Variants in PDE12 observed in about 807,000 individuals in gnomAD.
PDE12 encodes the protein 2',5'-phosphodiesterase 12.
A neutral mutation model predicts 45.4 loss-of-function variants in PDE12; 26 were observed. The observed-to-expected ratio is 0.57, with a 90% confidence interval of 0.42 to 0.79. The LOEUF (loss-of-function observed/expected upper bound fraction) is 0.79, where lower values mean the gene tolerates loss of function less well. Ranked by LOEUF, PDE12 falls within the 30% of genes least tolerant of loss-of-function variation. PDE12 has a pLI of 0.00. For missense variants in PDE12, 668 were observed against 790.0 expected, an observed-to-expected ratio of 0.85 and a Z score of 1.85; for synonymous variants, 283 against 323.9, an observed-to-expected ratio of 0.87 and a Z score of 1.36.
At chr3:57,621,307 T>A in the PDE12 span, among the ~76,000 whole-genome samples, 16 of 152,212 alleles carry the variant, frequency 1.1e-4, no homozygotes, top group African/African-American at 3.9e-4. Flanking sequence ...CTTAAATCCA[T>A]ACTTCACATA....
the PDE12 span, among the ~76,000 whole-genome samples, chr3:57,590,350 G>A: frequency 6.6e-6 from 1 of 151,040 alleles, no homozygotes; most frequent in Non-Finnish European, 1.5e-5. Context: ...GCCGGGCGCA[G>A]TGGCGGGTGC....
the PDE12 span, among the ~76,000 whole-genome samples, chr3:57,641,243 ATAT>A: frequency 7.5e-3 from 1,076 of 144,028 alleles, 6 homozygotes; most frequent in Non-Finnish European, 0.012. Flanking sequence ...ATTTAAATAT[ATAT>A]TATATATTTA....
chr3:57,578,978 C>T, the PDE12 span, among the ~76,000 whole-genome samples: 2 of 152,042 alleles, frequency 1.3e-5, no homozygotes, highest in Non-Finnish European at 2.9e-5. Context: ...TCACTTATAA[C>T]AGATTGTCTT....
chr3:57,560,302 G>A lies in PDE12; in HGVS notation c.*298G>A. 8.8e-7 allele frequency: 1 copy of A among 1,139,210 alleles called. No individual in the cohort carries two copies. The highest frequency in any genetic ancestry group is 3.8e-4 in the Middle Eastern group (1 of 2,626). 70.6% of individuals were successfully genotyped at this position (1,139,210 alleles called of 1,614,324 possible). The stretch of plus-strand genomic sequence containing the variant: ...CAGAAAAGGAAGATTGAATTAGCGT[G>A]TTTTTTGTTTGTTTGTTTTTGTTTT... On this transcript the variant is annotated 3_prime_UTR_variant, in exon 3 of 3. Transcript: ENST00000311180.
At chr3:57,648,172 CA>C in the PDE12 span, among the ~76,000 whole-genome samples, 6 of 152,102 alleles carry the variant, frequency 3.9e-5, no homozygotes, top group Non-Finnish European at 8.8e-5. Context: ...TTTCCGAATA[CA>C]AAATTAATGT....
At chr3:57,559,495 A>G in intron 2 of PDE12, 67 bp from the exon 3 acceptor site, 1 of 1,555,258 alleles carries the variant, frequency 6.4e-7, no homozygotes, top group Non-Finnish European at 8.7e-7. Flanking sequence ...TAATTTGTGT[A>G]GTTTTTCTTT....
At chr3:57,574,853 C>G in the PDE12 span, among the ~76,000 whole-genome samples, 1 of 151,812 alleles carries the variant, frequency 6.6e-6, no homozygotes, top group Non-Finnish European at 1.5e-5. Flanking sequence ...CCCCCCATCT[C>G]CACTTTTTTT....
downstream of PDE12, among the ~76,000 whole-genome samples, chr3:57,570,261 G>A (rs182203489): frequency 2.4e-5 from 3 of 122,990 alleles, no homozygotes; most frequent in East Asian, 2.3e-4. Flanking sequence ...CTTGCAGACC[G>A]TGTGCAGTGG....
chr3:57,629,953 G>A, the PDE12 span, among the ~76,000 whole-genome samples: 1 of 152,200 alleles, frequency 6.6e-6, no homozygotes, highest in African/African-American at 2.4e-5. Context: ...TATTTAACAA[G>A]TGGTTCTCCA....
chr3:57,591,888 A>G, the PDE12 span, among the ~76,000 whole-genome samples: 20,253 of 152,216 alleles, frequency 0.13, 1,442 homozygotes, highest in South Asian at 0.21. Context: ...AAAACAGATT[A>G]CGGGCTGGGA....
the PDE12 span, chr3:57,584,580 T>TA: frequency 1.2e-6 from 1 of 864,116 alleles, no homozygotes; most frequent in Non-Finnish European, 1.8e-6. Context: ...AACTTCTAAA[T>TA]GAGTTAGAAA....
the PDE12 span, among the ~76,000 whole-genome samples, chr3:57,635,804 T>A: frequency 6.6e-6 from 1 of 152,244 alleles, no homozygotes; most frequent in Non-Finnish European, 1.5e-5. Flanking sequence ...ACAGCATGGG[T>A]TTAAACTGTG....
chr3:57,607,490 G>GA, the PDE12 span, among the ~76,000 whole-genome samples: 1 of 152,014 alleles, frequency 6.6e-6, no homozygotes, highest in African/African-American at 2.4e-5. Flanking sequence ...AAAAAACCTT[G>GA]AAAAAAGATT....
the PDE12 span, chr3:57,575,688 T>C: frequency 6.2e-7 from 1 of 1,603,642 alleles, no homozygotes; most frequent in South Asian, 1.1e-5. Flanking sequence ...AAATAAAAGG[T>C]AAGGCATTAA....
chr3:57,591,282 G>A, the PDE12 span, among the ~76,000 whole-genome samples: 334 of 151,988 alleles, frequency 2.2e-3, 2 homozygotes, highest in South Asian at 0.019. Context: ...GCTAGAAAGT[G>A]AAAACAACCT....
the PDE12 span, among the ~76,000 whole-genome samples, chr3:57,578,061 C>CA: frequency 6.6e-6 from 1 of 151,676 alleles, no homozygotes; most frequent in South Asian, 2.1e-4. Context: ...AAAAAACAAA[C>CA]AAAAAAACCC....
the PDE12 span, chr3:57,628,898 A>T: frequency 6.2e-7 from 1 of 1,607,940 alleles, no homozygotes; most frequent in African/African-American, 1.3e-5. Flanking sequence ...AGAATAAATA[A>T]AGTCCCAAAT....
At chr3:57,614,537 G>T in the PDE12 span, among the ~76,000 whole-genome samples, 593 of 94,648 alleles carry the variant, frequency 6.3e-3, 9 homozygotes, top group East Asian at 0.02. Context: ...TTTTTTTTTT[G>T]TTTTTTGTTT....
the PDE12 span, among the ~76,000 whole-genome samples, chr3:57,641,339 ATATT>A: frequency 2.8e-5 from 4 of 144,890 alleles, no homozygotes; most frequent in Non-Finnish European, 6.0e-5. Context: ...ATTAAAATAT[ATATT>A]TAAGTATATA....
Sources: allele counts gnomAD v4.1 joint callset (sites outside exome capture counted in the v4.1 genomes callset), GRCh38; gene constraint gnomAD v4.1.1; transcripts MANE v1.5; gene names NCBI Gene and HGNC (gene_info 2026-07-23, HGNC 2026-07-21).